Variants in CSNK2A2 observed in about 807,000 individuals in gnomAD.
The protein encoded by CSNK2A2 is casein kinase II subunit alpha'.
CSNK2A2 carries 8 observed loss-of-function variants against 54.0 expected under a neutral mutation model. The observed-to-expected ratio is 0.15, with a 90% CI of 0.09 to 0.27. The LOEUF (loss-of-function observed/expected upper bound fraction) is 0.27. Ranked by LOEUF, CSNK2A2 falls within the 10% of genes least tolerant of loss-of-function variation. The pLI, the probability that CSNK2A2 is intolerant of heterozygous loss-of-function variation, is 1.00. For synonymous variants in CSNK2A2, 141 were observed against 153.9 expected, an observed-to-expected ratio of 0.92 and a Z score of 0.62; for missense variants, 242 against 439.4, an observed-to-expected ratio of 0.55 and a Z score of 4.02.
At chr16:58,180,631 A>C (rs1239143775) in intron 4 of CSNK2A2, among the ~76,000 whole-genome samples, 1 of 152,158 alleles carries the variant, frequency 6.6e-6, no homozygotes, top group Non-Finnish European at 1.5e-5. Context: ...AAAGCTACCC[A>C]ATCTATCTTA....
intron 2 of CSNK2A2, among the ~76,000 whole-genome samples, chr16:58,187,788 C>A (rs1962227810): frequency 6.6e-6 from 1 of 152,210 alleles, no homozygotes; most frequent in Admixed American, 6.5e-5. Flanking sequence ...CAGAGTTGAG[C>A]TATCTGCCCA....
intron 4 of CSNK2A2, among the ~76,000 whole-genome samples, chr16:58,180,646 G>A (rs1424743050): frequency 6.6e-6 from 1 of 152,060 alleles, no homozygotes; most frequent in Non-Finnish European, 1.5e-5. Context: ...ATCTTATATA[G>A]TATAACCTTG....
Position 58,197,743 on chromosome 16 carries a change from C to G in CSNK2A2, c.-7G>C. On this transcript the variant is annotated 5_prime_UTR_variant, in exon 1 of 12. Coordinates refer to ENST00000262506, the MANE Select transcript of CSNK2A2 (RefSeq NM_001896.4). The surrounding 1 kb of genome is among the most constrained non-coding windows in gnomAD (Gnocchi z 4.0). ...CCGCGGCCGGGCCGGGCATGGCGGG[C>G]GGGACCGGGGGGCGGCGCGGGGCGC... 1 of 1,330,296 alleles carries G rather than the reference C, an allele frequency of 7.5e-7. No homozygotes were observed. The highest frequency in any genetic ancestry group is 9.8e-7 in the Non-Finnish European group (1 of 1,025,000). The allele number at this position is 1,330,296 out of a possible 1,614,324, so 82.4% of individuals were successfully genotyped here.
At chr16:58,175,890 T>C (rs981221914) in intron 4 of CSNK2A2, among the ~76,000 whole-genome samples, 2 of 152,196 alleles carry the variant, frequency 1.3e-5, no homozygotes, top group African/African-American at 4.8e-5. Context: ...TGGCTGGCCC[T>C]GGCTACAGCT....
At chr16:58,193,445 A>G (rs972926809) in intron 2 of CSNK2A2, among the ~76,000 whole-genome samples, 2 of 152,240 alleles carry the variant, frequency 1.3e-5, no homozygotes, top group African/African-American at 4.8e-5. Context: ...GAAAATGGAT[A>G]GTCAATCTGT....
chr16:58,163,958 G>C, intron 11 of CSNK2A2, 96 bp downstream of exon 11: 1 of 971,390 alleles, frequency 1.0e-6, no homozygotes, highest in Non-Finnish European at 1.6e-6. Context: ...GCATTTAGAA[G>C]GAATGATAAG....
In CSNK2A2 at chr16:58,198,083, G is replaced by A. The variant is rs1274266860; in HGVS notation, c.-347C>T. Among the ~76,000 whole-genome samples the A allele has an allele frequency of 2.0e-5, 3 of 146,650 alleles. No individual in the cohort carries two copies. Among genetic ancestry groups the A allele is most frequent in the Non-Finnish European group, 4.6e-5 (3 of 65,874 alleles). On this transcript the variant is annotated 5_prime_UTR_variant, in exon 1 of 12. Transcript: ENST00000262506. ...CGGCCGGGAAAGGGGCAGCGGCGGC[G>A]GCAGCGGAGAAGAAGGAGGAGAGGA... is the stretch of plus-strand genomic sequence containing the variant.
intron 2 of CSNK2A2, among the ~76,000 whole-genome samples, chr16:58,196,348 G>A (rs1329999242): frequency 2.0e-5 from 3 of 152,142 alleles, no homozygotes; most frequent in Non-Finnish European, 2.9e-5. Context: ...AGTGGCTCAC[G>A]CCTCTAATCC....
At position 58,182,070 on chromosome 16, in the gene CSNK2A2, CA is replaced by C. The variant is rs1220406342; in HGVS notation, c.369+2189del. ...AAAATGACTTCAGATATGCAAGCTT[CA>C]AAAAAACATTAATTTCCCATAATCC... On this transcript the variant is annotated intron_variant, in intron 4 of 11. Coordinates refer to ENST00000262506, the MANE Select transcript of CSNK2A2 (RefSeq NM_001896.4). Among the ~76,000 whole-genome samples the C allele has an allele frequency of 2.0e-5, 3 of 151,772 alleles. No homozygotes were observed. In the East Asian group the frequency reaches 5.8e-4, roughly 29 times the overall value.
At chr16:58,159,648 C>T (rs1384692407) in intron 11 of CSNK2A2, 2 of 152,172 alleles carry the variant, frequency 1.3e-5, no homozygotes, top group Non-Finnish European at 2.9e-5. Flanking sequence ...CTAAGGGCAG[C>T]AGCACATAAA....
chr16:58,168,950 G>A (rs1362190686), intron 5 of CSNK2A2, among the ~76,000 whole-genome samples: 1 of 150,456 alleles, frequency 6.6e-6, no homozygotes, highest in African/African-American at 2.4e-5. Flanking sequence ...TTTTTGAGAT[G>A]GAGTCTTGCT....
chr16:58,182,742 T>C (rs1962090186), intron 4 of CSNK2A2, among the ~76,000 whole-genome samples: 1 of 152,146 alleles, frequency 6.6e-6, no homozygotes, highest in Non-Finnish European at 1.5e-5. Context: ...TTAAAGCCTA[T>C]CTGGTTTTCT....
At chr16:58,167,533 CA>C in intron 7 of CSNK2A2, 151 bp downstream of exon 7, 1 of 646,856 alleles carries the variant, frequency 1.5e-6, no homozygotes, top group Non-Finnish European at 2.6e-6. Flanking sequence ...TCTGTCCCCC[CA>C]AAAAACTAGC....
intron 5 of CSNK2A2, among the ~76,000 whole-genome samples, chr16:58,173,312 G>A (rs948860069): frequency 2.6e-5 from 4 of 152,318 alleles, no homozygotes; most frequent in South Asian, 2.1e-4. Flanking sequence ...AAAAAGTGGT[G>A]CGTACAAGTT....
intron 4 of CSNK2A2, among the ~76,000 whole-genome samples, chr16:58,182,474 G>A (rs1223652826): frequency 7.3e-6 from 1 of 136,944 alleles, no homozygotes; most frequent in Non-Finnish European, 1.5e-5. Context: ...AGAATTGATT[G>A]AACCTGGGAG....
chr16:58,168,545 G>T, intron 6 of CSNK2A2, 65 bp downstream of exon 6: 1 of 1,384,308 alleles, frequency 7.2e-7, no homozygotes, highest in Non-Finnish European at 1.0e-6. Flanking sequence ...TCATGGCACT[G>T]GACAGCTTTT....
At chr16:58,161,909 A>G (rs1961387874) in intron 11 of CSNK2A2, 3 of 152,404 alleles carry the variant, frequency 2.0e-5, no homozygotes, top group Admixed American at 2.0e-4. Flanking sequence ...CAAGGCAGGC[A>G]GGCGGTGTCT....
intron 5 of CSNK2A2, among the ~76,000 whole-genome samples, chr16:58,171,085 C>T (rs1041856132): frequency 6.6e-6 from 1 of 152,050 alleles, no homozygotes. Flanking sequence ...GGATAAGAAG[C>T]AATAAACTAG....
chr16:58,182,398 A>C (rs985640325), intron 4 of CSNK2A2, among the ~76,000 whole-genome samples: 1 of 141,546 alleles, frequency 7.1e-6, no homozygotes, highest in South Asian at 2.6e-4. Context: ...AAAAAAAAAA[A>C]AAAAAAACTA....
Sources: allele counts gnomAD v4.1 joint callset (sites outside exome capture counted in the v4.1 genomes callset), GRCh38; gene constraint gnomAD v4.1.1; non-coding constraint Gnocchi (gnomAD v3.1); transcripts MANE v1.5; gene names NCBI Gene and HGNC (gene_info 2026-07-23, HGNC 2026-07-21).